TMPRSS12: variants seen among roughly 807,000 people sequenced by gnomAD.
TMPRSS12 encodes transmembrane protease serine 12.
Under a neutral mutation model 26.0 loss-of-function variants are expected in TMPRSS12, and 25 were observed. The ratio of observed to expected loss-of-function variants is 0.96; its 90% CI spans 0.70 to 1.34. The LOEUF is 1.34. Ranked by LOEUF, TMPRSS12 falls within the 40% of genes most tolerant of loss-of-function variation. The pLI is 0.00. For missense variants in TMPRSS12, 441 were observed against 440.1 expected (o/e 1.00, Z -0.02); for synonymous variants, 150 against 161.7 (o/e 0.93, Z 0.55).
chr12:50,850,417 A>G lies in TMPRSS12; in HGVS notation c.383+6380A>G, dbSNP rs148313686. Among the ~76,000 whole-genome samples, 806 of 152,288 alleles carry G rather than the reference A, an allele frequency of 5.3e-3. 3 individuals carry two copies. Among genetic ancestry groups the G allele is most frequent in the African/African-American group, 0.018 (763 of 41,556 alleles). On this transcript the variant is annotated intron_variant, in intron 2 of 4. Transcript: ENST00000398458. Reference sequence around the variant, plus strand: ...AAAATGGCGAGACCCTGTCTCTACAAAAAATTTTAAAAATTAGCCCGGTAT... The same window carrying G: ...AAAATGGCGAGACCCTGTCTCTACAGAAAATTTTAAAAATTAGCCCGGTAT...
rs1565936138 is a variant in TMPRSS12 at position 50,872,929 on chromosome 12, T to TGTATATATGTACATATATATGAC, written c.653-12308_653-12286dup. The stretch of plus-strand genomic sequence containing the variant: ...TATGACTATATATGTACATATATGA[T>TGTATATATGTACATATATATGAC]GTATATATGTACATATATATGACGT... On this transcript the variant is annotated intron_variant, in intron 3 of 4. Transcript: ENST00000398458. 1.0e-3 allele frequency among the ~76,000 whole-genome samples: 78 copies of TGTATATATGTACATATATATGAC among 74,794 alleles called. 1 individual carries two copies. Among genetic ancestry groups the TGTATATATGTACATATATATGAC allele is most frequent in the African/African-American group, 3.9e-3 (76 of 19,466 alleles). The allele number at this position is 74,794 out of a possible 152,430, so 49.1% of individuals were successfully genotyped here.
In TMPRSS12 at chr12:50,849,035, G is replaced by C. The variant is rs181168002; in HGVS notation, c.383+4998G>C. 2.9e-3 allele frequency among the ~76,000 whole-genome samples: 448 copies of C among 152,084 alleles called. 3 individuals are homozygous for C. The highest frequency in any genetic ancestry group is 7.3e-3 in the South Asian group (35 of 4,818). On this transcript the variant is annotated intron_variant, in intron 2 of 4. Transcript: ENST00000398458. ...ATGTGCTACCATGTCTAATTTTTGT[G>C]TTTTTTGTAGAGATGGGGTTTTGCT...
At chr12:50,879,677 T>G (rs948634731) in intron 3 of TMPRSS12, among the ~76,000 whole-genome samples, 1 of 152,180 alleles carries the variant, frequency 6.6e-6, no homozygotes, top group Non-Finnish European at 1.5e-5. Context: ...AAGGAAAAAT[T>G]TGTTTTAAGG....
At chr12:50,867,377 GA>G (rs1938001277) in intron 3 of TMPRSS12, among the ~76,000 whole-genome samples, 1 of 152,174 alleles carries the variant, frequency 6.6e-6, no homozygotes, top group East Asian at 1.9e-4. Context: ...ATAGAAGAAA[GA>G]AATTCAGAGC....
chr12:50,853,047 C>A (rs1455401260), intron 2 of TMPRSS12, among the ~76,000 whole-genome samples: 1 of 152,178 alleles, frequency 6.6e-6, no homozygotes, highest in Non-Finnish European at 1.5e-5. Flanking sequence ...CCACACATAA[C>A]ACATACTCTA....
intron 2 of TMPRSS12, among the ~76,000 whole-genome samples, chr12:50,855,712 C>T (rs1054242589): frequency 6.6e-6 from 1 of 152,144 alleles, no homozygotes; most frequent in Non-Finnish European, 1.5e-5. Context: ...TGGATATACA[C>T]CTAAAGAAAT....
intron 3 of TMPRSS12, among the ~76,000 whole-genome samples, chr12:50,859,655 GC>G (rs1937916692): frequency 6.6e-6 from 1 of 152,168 alleles, no homozygotes; most frequent in Non-Finnish European, 1.5e-5. Flanking sequence ...ACTAAGCCTG[GC>G]CTACTGTACC....
At chr12:50,886,931 A>T in intron 4 of TMPRSS12, 1 of 218,674 alleles carries the variant, frequency 4.6e-6, no homozygotes, top group East Asian at 1.2e-4. Context: ...AGTTTTGACA[A>T]TATTTTGCAC....
chr12:50,869,592 C>T (rs1938023019), intron 3 of TMPRSS12, among the ~76,000 whole-genome samples: 1 of 152,090 alleles, frequency 6.6e-6, no homozygotes, highest in African/African-American at 2.4e-5. Flanking sequence ...TGCTACCAAT[C>T]CTTTTGACAA....
At chr12:50,885,520 T>C in intron 4 of TMPRSS12, 132 bp downstream of exon 4, 1 of 1,135,394 alleles carries the variant, frequency 8.8e-7, no homozygotes, top group East Asian at 2.4e-5. Flanking sequence ...TTCTCCTTTT[T>C]AACTATTTCA....
chr12:50,883,295 C>T (rs1592226032), intron 3 of TMPRSS12, among the ~76,000 whole-genome samples: 1 of 152,170 alleles, frequency 6.6e-6, no homozygotes, highest in South Asian at 2.1e-4. Context: ...TGTGCCACTA[C>T]ACTAGGCACC....
Position 50,885,264 on chromosome 12 carries a change from T to C in TMPRSS12, c.671T>C (p.Leu224Ser). 6.3e-7 allele frequency: 1 copy of C among 1,597,646 alleles called. No homozygotes were observed. The highest frequency in any genetic ancestry group is 1.7e-4 in the Middle Eastern group (1 of 5,974). The change falls in exon 4 of 5, where the codon TTA becomes TCA. Residue 224 changes from leucine (L) to serine (S), a missense_variant. Leu to Ser is a moderately radical substitution (Grantham distance 145). Coordinates refer to ENST00000398458, the MANE Select transcript of TMPRSS12 (RefSeq NM_182559.3). The stretch of plus-strand genomic sequence containing the variant: ...TTAACAGGTAACGCTACAAATATTT[T>C]ACAAGATGCAGAAGTGCATTATATT... Reference protein sequence around the residue: ...TKEEGNATNILQDAEVHYISR... With the variant: ...TKEEGNATNISQDAEVHYISR...
intron 2 of TMPRSS12, among the ~76,000 whole-genome samples, chr12:50,849,862 A>C (rs1937808772): frequency 1.3e-5 from 2 of 152,180 alleles, no homozygotes; most frequent in Admixed American, 1.3e-4. Context: ...GCACAGAACA[A>C]ATTTCTTCAC....
intron 2 of TMPRSS12, among the ~76,000 whole-genome samples, chr12:50,850,535 A>C (rs1050029710): frequency 6.6e-6 from 1 of 151,942 alleles, no homozygotes. Flanking sequence ...AGCCATGTTC[A>C]CTCCACTGTA....
rs1219302951 is a variant in TMPRSS12 at position 50,868,092 on chromosome 12, A to T, written c.652+9039A>T. ...TAAAAAGCATAAACAAAAAATCGAA[A>T]ACCAAGGTACAAGGCAACAAATAGC... is the stretch of plus-strand genomic sequence containing the variant. On this transcript the variant is annotated intron_variant, in intron 3 of 4. Transcript: ENST00000398458. Among the ~76,000 whole-genome samples, 2 of 152,188 alleles carry T rather than the reference A, an allele frequency of 1.3e-5. 1 individual carries two copies. Among genetic ancestry groups the T allele is most frequent in the Non-Finnish European group, 2.9e-5 (2 of 68,024 alleles).
intron 3 of TMPRSS12, among the ~76,000 whole-genome samples, chr12:50,868,680 C>T (rs989379567): frequency 1.3e-5 from 2 of 152,124 alleles, no homozygotes; most frequent in African/African-American, 2.4e-5. Context: ...TTGCATCTAA[C>T]AACTGCAGAA....
intron 3 of TMPRSS12, among the ~76,000 whole-genome samples, chr12:50,874,438 G>A (rs1341589603): frequency 6.6e-6 from 1 of 151,946 alleles, no homozygotes; most frequent in Non-Finnish European, 1.5e-5. Flanking sequence ...ATAAAATAAA[G>A]CCTATATTAA....
chr12:50,872,337 C>T (rs1292814270), intron 3 of TMPRSS12, among the ~76,000 whole-genome samples: 3 of 149,912 alleles, frequency 2.0e-5, no homozygotes, highest in East Asian at 3.9e-4. Flanking sequence ...CAAGGTGAAA[C>T]CCCGTCTCTA....
intron 1 of TMPRSS12, 74 bp downstream of exon 1, chr12:50,843,225 G>A: frequency 7.1e-7 from 1 of 1,414,620 alleles, no homozygotes; most frequent in Non-Finnish European, 9.2e-7. Context: ...TTGAATTCGG[G>A]TTTCTCCTTT....
Sources: gnomAD v4.1 joint callset for allele counts (sites outside exome capture counted in the v4.1 genomes callset) on GRCh38, gnomAD v4.1.1 for gene constraint, MANE v1.5 for transcripts, NCBI Gene and HGNC (gene_info 2026-07-23, HGNC 2026-07-21) for gene names.